SYTL3: variants seen among roughly 807,000 people sequenced by gnomAD.
The protein encoded by SYTL3 is synaptotagmin-like protein 3.
SYTL3 carries 88 observed loss-of-function variants against 82.1 expected under a neutral mutation model. That is an observed-to-expected ratio of 1.07 (90% confidence interval 0.90 to 1.28). The LOEUF is 1.28. Among genes scored for constraint, SYTL3 ranks in the 50% most tolerant of loss-of-function variants. The pLI is 0.00. For synonymous variants in SYTL3, 311 were observed against 289.4 expected (o/e 1.07, Z -0.76); for missense variants, 831 against 757.6 (o/e 1.10, Z -1.14).
chr6:158,707,378 C>A, intron 7 of SYTL3, 97 bp downstream of exon 7: 3 of 959,760 alleles, frequency 3.1e-6, no homozygotes, highest in Non-Finnish European at 4.7e-6. Context: ...TTTCACATGT[C>A]ACTGCTTTGG....
intron 11 of SYTL3, among the ~76,000 whole-genome samples, chr6:158,737,434 T>C (rs537725827): frequency 1.3e-5 from 2 of 152,336 alleles, no homozygotes; most frequent in Admixed American, 1.3e-4. Flanking sequence ...TTTTCTGCCC[T>C]TGTGAAATAA....
chr6:158,753,591 G>A (rs1465532950), intron 13 of SYTL3, among the ~76,000 whole-genome samples: 9 of 151,962 alleles, frequency 5.9e-5, no homozygotes, highest in South Asian at 2.1e-4. Flanking sequence ...TTAGCCGGGC[G>A]TGGTGGCGGG....
chr6:158,760,720 C>T lies in SYTL3; in HGVS notation c.1389C>T (p.Pro463=). 1 of 1,614,100 alleles carries T rather than the reference C, an allele frequency of 6.2e-7. No homozygotes were observed. Among genetic ancestry groups the T allele is most frequent in the South Asian group, 1.1e-5 (1 of 91,082 alleles). Residue 463 remains proline, a synonymous_variant, in exon 15 of 18, where the codon CCC becomes CCT. Coordinates refer to ENST00000611299, the MANE Select transcript of SYTL3 (RefSeq NM_001242394.2). ...CTAAGCTGGTTCTCCCTTCACGGCC[C>T]AGAAAACTCCAAGAGGCTCAAGAAG... ...VRAKLVLPSR[P]RKLQEAQEGT...
rs575524627 is a variant in SYTL3, at chr6:158,687,450, G to A, written c.394+4461G>A. On this transcript the variant is annotated intron_variant, in intron 6 of 17. Coordinates refer to ENST00000611299, the MANE Select transcript of SYTL3 (RefSeq NM_001242394.2). ...AGCCACACCCTGTCATTTCTGCTATGCCCTATGGGTCCCACAGGTCAGCCC... is the reference window on the plus strand; with the variant it reads ...AGCCACACCCTGTCATTTCTGCTATACCCTATGGGTCCCACAGGTCAGCCC... 1.1e-3 allele frequency among the ~76,000 whole-genome samples: 175 copies of A among 152,318 alleles called. 1 individual carries two copies. Among genetic ancestry groups the A allele is most frequent in the Non-Finnish European group, 5.3e-4 (36 of 68,034 alleles).
intron 11 of SYTL3, chr6:158,726,649 T>C: frequency 3.7e-6 from 1 of 270,866 alleles, no homozygotes; most frequent in South Asian, 5.8e-5. Context: ...GAATGCAAAG[T>C]AATGGGTCCA....
intron 11 of SYTL3, among the ~76,000 whole-genome samples, chr6:158,741,295 C>T (rs142221944): frequency 0.026 from 3,991 of 152,286 alleles, 170 homozygotes; most frequent in African/African-American, 0.091. Flanking sequence ...TCTCGAACTC[C>T]TGACCTCAGG....
intron 7 of SYTL3, 119 bp downstream of exon 7, chr6:158,707,400 T>C: frequency 2.4e-6 from 1 of 417,824 alleles, no homozygotes. Context: ...ATGTGACTCT[T>C]TTTTTTTTTT....
At chr6:158,647,800 G>T (rs1011494520), upstream of SYTL3, among the ~76,000 whole-genome samples, 3 of 152,260 alleles carry the variant, frequency 2.0e-5, no homozygotes, top group African/African-American at 7.2e-5. Context: ...GTAAGTCAGT[G>T]GAGTGAATCT....
chr6:158,752,172 GTCAA>G, intron 13 of SYTL3, 142 bp downstream of exon 13: 1 of 496,318 alleles, frequency 2.0e-6, no homozygotes, highest in Non-Finnish European at 3.5e-6. Flanking sequence ...TCGCAGCTCT[GTCAA>G]TCAGTGTTAA....
intron 5 of SYTL3, among the ~76,000 whole-genome samples, chr6:158,667,089 A>G (rs1329287144): frequency 6.6e-6 from 1 of 152,202 alleles, no homozygotes. Context: ...TCAACCAACC[A>G]TATATATTTG....
intron 9 of SYTL3, 49 bp from the exon 10 acceptor site, chr6:158,718,038 C>A: frequency 6.8e-7 from 1 of 1,460,250 alleles, no homozygotes; most frequent in Non-Finnish European, 9.1e-7. Context: ...CCACAAGTCT[C>A]AGCAAAGCTG....
At position 158,705,239 on chromosome 6, in the gene SYTL3, T is replaced by C. The variant is rs111287885; in HGVS notation, c.395-1991T>C. ...CTGGGGACAGGGTGACAGTGAGGGC[T>C]GTAAGGCCACATAGGGCAGGAGGGA... On this transcript the variant is annotated intron_variant, in intron 6 of 17. Transcript: ENST00000611299. Among the ~76,000 whole-genome samples the C allele has an allele frequency of 4.8e-3, 39 of 8,120 alleles. 7 individuals are homozygous for C. Among genetic ancestry groups the C allele is most frequent in the African/African-American group, 0.019 (33 of 1,734 alleles). 5.3% of individuals were successfully genotyped at this position (8,120 alleles called of 152,430 possible).
chr6:158,686,533 G>A (rs1423269114), intron 6 of SYTL3, among the ~76,000 whole-genome samples: 1 of 152,222 alleles, frequency 6.6e-6, no homozygotes, highest in Non-Finnish European at 1.5e-5. Flanking sequence ...CAGCGGGTGC[G>A]TCAGGAAAGG....
At chr6:158,660,246 C>CA (rs1208374148) in intron 2 of SYTL3, among the ~76,000 whole-genome samples, 1 of 152,106 alleles carries the variant, frequency 6.6e-6, no homozygotes, top group Admixed American at 6.5e-5. Context: ...GCCTGGACAA[C>CA]AGAGCAATAC....
intron 5 of SYTL3, among the ~76,000 whole-genome samples, chr6:158,669,886 A>G (rs1422633890): frequency 3.3e-5 from 5 of 152,238 alleles, no homozygotes; most frequent in African/African-American, 1.2e-4. Context: ...AGGATCACAT[A>G]AGCCCAGGAG....
chr6:158,660,869 G>C (rs142662215), intron 2 of SYTL3, among the ~76,000 whole-genome samples: 1 of 152,066 alleles, frequency 6.6e-6, no homozygotes, highest in Non-Finnish European at 1.5e-5. Context: ...ACCAGCCTGC[G>C]CAACATGGTG....
intron 2 of SYTL3, among the ~76,000 whole-genome samples, chr6:158,656,146 T>C (rs964449127): frequency 2.0e-5 from 3 of 152,128 alleles, no homozygotes; most frequent in Non-Finnish European, 4.4e-5. Context: ...CATTCCCACC[T>C]CAGTATTGTC....
At chr6:158,720,358 C>T (rs975963948) in intron 10 of SYTL3, among the ~76,000 whole-genome samples, 3 of 136,562 alleles carry the variant, frequency 2.2e-5, no homozygotes, top group Admixed American at 1.6e-4. Context: ...AAGCCGGGAT[C>T]GTACTGTTAT....
chr6:158,749,447 A>G (rs1293286560), intron 12 of SYTL3, among the ~76,000 whole-genome samples: 2 of 148,824 alleles, frequency 1.3e-5, no homozygotes, highest in Non-Finnish European at 3.0e-5. Flanking sequence ...ATATTATGTA[A>G]AACTTTGTGC....
Sources: allele counts gnomAD v4.1 joint callset (sites outside exome capture counted in the v4.1 genomes callset), GRCh38; gene constraint gnomAD v4.1.1; transcripts MANE v1.5; gene names NCBI Gene and HGNC (gene_info 2026-07-23, HGNC 2026-07-21).